Variants in NT5DC3 observed in about 807,000 individuals in gnomAD.
NT5DC3 encodes 5'-nucleotidase domain containing 3.
Under a neutral mutation model 67.8 loss-of-function variants are expected in NT5DC3, and 42 were observed. The observed-to-expected ratio is 0.62, with a 90% CI of 0.48 to 0.80. The LOEUF is 0.80. Ranked by LOEUF, NT5DC3 falls within the 30% of genes least tolerant of loss-of-function variation. The pLI is 0.00. For missense variants in NT5DC3, 570 were observed against 696.4 expected, an observed-to-expected ratio of 0.82 and a Z score of 2.04; for synonymous variants, 237 against 255.6, an observed-to-expected ratio of 0.93 and a Z score of 0.69.
At chr12:103,831,010 A>T (rs981814385) in intron 1 of NT5DC3, among the ~76,000 whole-genome samples, 1 of 152,140 alleles carries the variant, frequency 6.6e-6, no homozygotes, top group Non-Finnish European at 1.5e-5. Context: ...TTATCCAGAG[A>T]GTTTGCACTG....
At chr12:103,796,378 G>C (rs905202749) in intron 6 of NT5DC3, among the ~76,000 whole-genome samples, 2 of 152,186 alleles carry the variant, frequency 1.3e-5, no homozygotes, top group African/African-American at 4.8e-5. Context: ...TTAGCCAGGC[G>C]TGGTGGCAGG....
chr12:103,755,621 G>T, the NT5DC3 span: 1 of 1,614,144 alleles, frequency 6.2e-7, no homozygotes. Flanking sequence ...GATGTGAACT[G>T]CACCTGCAAG....
chr12:103,789,806 ATAAG>A (rs1885960675), intron 9 of NT5DC3, among the ~76,000 whole-genome samples: 1 of 152,208 alleles, frequency 6.6e-6, no homozygotes, highest in African/African-American at 2.4e-5. Flanking sequence ...TAAGGTAAAA[ATAAG>A]TGTCACCCTA....
chr12:103,749,473 G>A, the NT5DC3 span, among the ~76,000 whole-genome samples: 144 of 152,228 alleles, frequency 9.5e-4, 1 homozygote, highest in African/African-American at 3.2e-3. Flanking sequence ...GAGAGTATAG[G>A]AGAGTTTGCT....
intron 1 of NT5DC3, among the ~76,000 whole-genome samples, chr12:103,836,358 T>C (rs1457600001): frequency 6.6e-6 from 1 of 152,142 alleles, no homozygotes; most frequent in African/African-American, 2.4e-5. Context: ...GCTAGTTACT[T>C]CCCAGATACA....
At chr12:103,762,464 T>G in the NT5DC3 span, 1 of 1,609,882 alleles carries the variant, frequency 6.2e-7, no homozygotes, top group Non-Finnish European at 8.5e-7. Context: ...TCCCTGGACC[T>G]GGGCTGCTTC....
intron 1 of NT5DC3, among the ~76,000 whole-genome samples, chr12:103,840,633 A>G (rs1888375467): frequency 6.6e-6 from 1 of 152,146 alleles, no homozygotes; most frequent in Non-Finnish European, 1.5e-5. Context: ...GGGAGGCCTG[A>G]GGAACCCCAG....
At chr12:103,754,323 T>G in the NT5DC3 span, among the ~76,000 whole-genome samples, 2 of 152,084 alleles carry the variant, frequency 1.3e-5, no homozygotes, top group Non-Finnish European at 2.9e-5. Flanking sequence ...AGGAACTCAA[T>G]TTTTAAGATT....
At chr12:103,839,251 T>C (rs1392445035) in intron 1 of NT5DC3, among the ~76,000 whole-genome samples, 1 of 152,162 alleles carries the variant, frequency 6.6e-6, no homozygotes, top group African/African-American at 2.4e-5. Context: ...ATTAGTCCTT[T>C]TCTGTTTATT....
At chr12:103,806,497 C>G in intron 3 of NT5DC3, 120 bp from the exon 4 acceptor site, 1 of 705,072 alleles carries the variant, frequency 1.4e-6, no homozygotes, top group Non-Finnish European at 2.5e-6. Context: ...AGGAAGCACA[C>G]TGTATATTCC....
At chr12:103,794,985 T>G (rs1246128133) in intron 6 of NT5DC3, among the ~76,000 whole-genome samples, 2 of 152,352 alleles carry the variant, frequency 1.3e-5, no homozygotes, top group East Asian at 1.9e-4. Flanking sequence ...CTAGAGCCAG[T>G]AGCAGGAGAC....
chr12:103,823,810 A>G (rs1241010395), intron 1 of NT5DC3, among the ~76,000 whole-genome samples: 2 of 152,172 alleles, frequency 1.3e-5, no homozygotes, highest in Admixed American at 1.3e-4. Flanking sequence ...CATTAACTCC[A>G]CTACAGGTGA....
At chr12:103,747,690 T>C in the NT5DC3 span, among the ~76,000 whole-genome samples, 1 of 152,100 alleles carries the variant, frequency 6.6e-6, no homozygotes, top group Non-Finnish European at 1.5e-5. Flanking sequence ...TGAAAATCTA[T>C]TATTACAGAA....
chr12:103,766,291 T>C, downstream of NT5DC3: 1 of 1,614,048 alleles, frequency 6.2e-7, no homozygotes, highest in Non-Finnish European at 8.5e-7. Flanking sequence ...TCCAGGACTC[T>C]GAAGAACGGC....
At chr12:103,765,596 G>A (rs1013297917), downstream of NT5DC3, among the ~76,000 whole-genome samples, 2 of 152,184 alleles carry the variant, frequency 1.3e-5, no homozygotes, top group African/African-American at 4.8e-5. Context: ...CAGGGTCCTG[G>A]TGTGTCACGC....
intron 1 of NT5DC3, among the ~76,000 whole-genome samples, chr12:103,832,420 G>C (rs948558731): frequency 6.6e-6 from 1 of 151,930 alleles, no homozygotes; most frequent in Non-Finnish European, 1.5e-5. Context: ...AAGCTTCCCA[G>C]GTGATTCCGA....
chr12:103,768,772 T>C (rs560520997), downstream of NT5DC3: 57 of 151,630 alleles, frequency 3.8e-4, 1 homozygote, highest in African/African-American at 1.3e-3. Flanking sequence ...CACAAGTTTG[T>C]TGAGGATGAA....
intron 1 of NT5DC3, among the ~76,000 whole-genome samples, chr12:103,825,138 A>T (rs1373515983): frequency 2.0e-5 from 3 of 152,252 alleles, no homozygotes; most frequent in Non-Finnish European, 4.4e-5. Context: ...AAGAAGAAAC[A>T]TTCATTTTTC....
chr12:103,766,348 G>A, downstream of NT5DC3: 1 of 1,600,686 alleles, frequency 6.2e-7, no homozygotes, highest in Non-Finnish European at 8.5e-7. Context: ...GGCCTGGACG[G>A]GAGATGCCAG....
Sources: gnomAD v4.1 joint callset for allele counts (sites outside exome capture counted in the v4.1 genomes callset) on GRCh38, gnomAD v4.1.1 for gene constraint, MANE v1.5 for transcripts, NCBI Gene and HGNC (gene_info 2026-07-23, HGNC 2026-07-21) for gene names.